C8orf76: variants seen among roughly 807,000 people sequenced by gnomAD.
C8orf76 encodes the protein uncharacterized protein C8orf76.
A neutral mutation model predicts 38.1 loss-of-function variants in C8orf76; 46 were observed. The observed-to-expected ratio is 1.21, with a 90% CI of 0.95 to 1.54. The LOEUF is 1.54. C8orf76 is among the 40% of genes most tolerant of loss of function. The pLI, the probability that C8orf76 is intolerant of heterozygous loss-of-function variation, is 0.00. For missense variants in C8orf76, 461 were observed against 441.6 expected (o/e 1.04, Z -0.39); for synonymous variants, 166 against 167.5 (o/e 0.99, Z 0.07).
At position 123,226,649 on chromosome 8, in the gene C8orf76, T is replaced by C; in HGVS notation, c.816-17A>G. 6.3e-7 allele frequency: 1 copy of C among 1,578,980 alleles called. No homozygotes were observed. Among genetic ancestry groups the C allele is most frequent in the African/African-American group, 1.4e-5 (1 of 72,648 alleles). Reference sequence around the variant, plus strand: ...AGCAGAAGCCTGAAAAACCGAAAAGTCTCAATGCGTGGCGAAAAGTCCCAA... The same window carrying C: ...AGCAGAAGCCTGAAAAACCGAAAAGCCTCAATGCGTGGCGAAAAGTCCCAA... On this transcript the variant is annotated splice_polypyrimidine_tract_variant and intron_variant, in intron 4 of 5. Coordinates refer to ENST00000276704, the MANE Select transcript of C8orf76 (RefSeq NM_032847.3).
intron 5 of C8orf76, among the ~76,000 whole-genome samples, chr8:123,221,874 A>C (rs1034051172): frequency 2.0e-5 from 3 of 152,212 alleles, no homozygotes; most frequent in Non-Finnish European, 2.9e-5. Context: ...GTGCCACTGC[A>C]CTTCAGCCTG....
At chr8:123,220,886 A>G (rs1256041574) in intron 5 of C8orf76, among the ~76,000 whole-genome samples, 1 of 152,224 alleles carries the variant, frequency 6.6e-6, no homozygotes, top group East Asian at 1.9e-4. Flanking sequence ...TAGGTTGTAG[A>G]AAGCTTGTAC....
chr8:123,235,920 A>G (rs1045057938), intron 3 of C8orf76, among the ~76,000 whole-genome samples: 4 of 152,234 alleles, frequency 2.6e-5, no homozygotes, highest in African/African-American at 9.6e-5. Flanking sequence ...AAGGGCCAAG[A>G]GCACTGTTAA....
intron 5 of C8orf76, 130 bp from the exon 6 acceptor site, chr8:123,220,427 A>C: frequency 1.6e-6 from 1 of 640,036 alleles, no homozygotes; most frequent in Non-Finnish European, 2.6e-6. Flanking sequence ...TTCCCAACAC[A>C]TTGAAAAGAT....
chr8:123,222,245 A>G (rs953485881), intron 5 of C8orf76, among the ~76,000 whole-genome samples: 1 of 152,194 alleles, frequency 6.6e-6, no homozygotes, highest in Non-Finnish European at 1.5e-5. Flanking sequence ...CGGCCTCCCA[A>G]AGTGCTGGGA....
intron 5 of C8orf76, among the ~76,000 whole-genome samples, chr8:123,222,826 T>C (rs1364464166): frequency 6.6e-6 from 1 of 152,242 alleles, no homozygotes; most frequent in Non-Finnish European, 1.5e-5. Context: ...TCAAAATGAT[T>C]GATTTCACAT....
At chr8:123,224,599 A>C (rs1824978967) in intron 5 of C8orf76, among the ~76,000 whole-genome samples, 1 of 152,202 alleles carries the variant, frequency 6.6e-6, no homozygotes, top group Non-Finnish European at 1.5e-5. Flanking sequence ...TAACAGAATG[A>C]GACCTTTTAA....
In C8orf76 at chr8:123,231,738, G is replaced by A; in HGVS notation, c.377C>T (p.Thr126Ile). Residue 126 changes from threonine to isoleucine, a missense_variant, in exon 4 of 6, where the codon ACA (threonine) becomes ATA (isoleucine). Transcript: ENST00000276704. ...AANLENKATNTDHLTTVLYLQ... is the reference protein window; with the variant it reads ...AANLENKATNIDHLTTVLYLQ... Reference sequence around the variant, plus strand: ...GTAGAGTACCGTGGTTAAATGGTCTGTGTTGGTTGCTTTATTTTCCTAAGG... The same window carrying A: ...GTAGAGTACCGTGGTTAAATGGTCTATGTTGGTTGCTTTATTTTCCTAAGG... The A allele has an allele frequency of 6.3e-7, 1 of 1,583,540 alleles. No homozygotes were observed. Among genetic ancestry groups the A allele is most frequent in the South Asian group, 1.2e-5 (1 of 86,480 alleles).
At chr8:123,232,963 T>C (rs1361976446) in intron 3 of C8orf76, among the ~76,000 whole-genome samples, 4 of 152,306 alleles carry the variant, frequency 2.6e-5, no homozygotes, top group Admixed American at 1.3e-4. Flanking sequence ...ATAGACTACA[T>C]CTGTAACAAA....
intron 3 of C8orf76, chr8:123,236,769 G>C (rs1250558831): frequency 4.1e-6 from 2 of 486,436 alleles, no homozygotes; most frequent in Non-Finnish European, 7.5e-6. Flanking sequence ...GGGTGACAGA[G>C]TGAGACTCTG....
chr8:123,223,524 C>A (rs1824943205), intron 5 of C8orf76, among the ~76,000 whole-genome samples: 1 of 152,186 alleles, frequency 6.6e-6, no homozygotes, highest in Non-Finnish European at 1.5e-5. Flanking sequence ...AGGAGAATTG[C>A]TTGAACCTGG....
intron 5 of C8orf76, chr8:123,226,271 A>C: frequency 7.3e-7 from 1 of 1,371,098 alleles, no homozygotes; most frequent in Non-Finnish European, 9.3e-7. Context: ...GCAGGTGCTA[A>C]CAAGCACTGA....
intron 5 of C8orf76, 85 bp from the exon 6 acceptor site, chr8:123,220,382 T>C (rs943400436): frequency 9.7e-7 from 1 of 1,027,848 alleles, no homozygotes; most frequent in Admixed American, 3.0e-5. Flanking sequence ...AGGCTTTCAT[T>C]CAAAGGCAGA....
At chr8:123,241,132 T>TA in intron 1 of C8orf76, 98 bp downstream of exon 1, 2 of 1,257,482 alleles carry the variant, frequency 1.6e-6, no homozygotes, top group Non-Finnish European at 2.1e-6. Context: ...TGCCAGGGTT[T>TA]GCGTTCGCGC....
At chr8:123,227,909 G>A (rs1392623521) in intron 4 of C8orf76, among the ~76,000 whole-genome samples, 1 of 152,022 alleles carries the variant, frequency 6.6e-6, no homozygotes, top group Admixed American at 6.6e-5. Flanking sequence ...TCACCTACCC[G>A]GCCTCGGGAA....
chr8:123,236,649 T>C (rs368673508), intron 3 of C8orf76, among the ~76,000 whole-genome samples: 13 of 151,948 alleles, frequency 8.6e-5, no homozygotes, highest in African/African-American at 2.4e-4. Flanking sequence ...CTGGGCGTGG[T>C]GGTGCATGCC....
At chr8:123,238,039 A>T in intron 2 of C8orf76, 98 bp from the exon 3 acceptor site, 1 of 1,332,212 alleles carries the variant, frequency 7.5e-7, no homozygotes, top group Non-Finnish European at 1.0e-6. Flanking sequence ...GTGGAAAGTA[A>T]TGTTATAACT....
chr8:123,239,241 A>G, intron 1 of C8orf76, 97 bp from the exon 2 acceptor site: 3 of 1,333,324 alleles, frequency 2.3e-6, no homozygotes, highest in Non-Finnish European at 3.2e-6. Context: ...TAAACGTCAA[A>G]AAAAGACTTC....
Position 123,237,957 on chromosome 8 carries a change from TAAATAAAG to T in C8orf76, c.214-24_214-17del. On this transcript the variant is annotated splice_polypyrimidine_tract_variant and intron_variant, in intron 2 of 5. Coordinates refer to ENST00000276704, the MANE Select transcript of C8orf76 (RefSeq NM_032847.3). ...GCAGTGCTTTCTGGAAATTATTTGT[TAAATAAAG>T]AAATGAAAGGAGGAAAACATAACAG... 6.3e-7 allele frequency: 1 copy of T among 1,599,750 alleles called. No individual in the cohort carries two copies. Among genetic ancestry groups the T allele is most frequent in the East Asian group, 2.2e-5 (1 of 44,668 alleles).
Sources: gnomAD v4.1 joint callset for allele counts (sites outside exome capture counted in the v4.1 genomes callset) on GRCh38, gnomAD v4.1.1 for gene constraint, MANE v1.5 for transcripts, NCBI Gene and HGNC (gene_info 2026-07-23, HGNC 2026-07-21) for gene names.